The following SENP7 variants were observed in gnomAD, a reference collection of about 807,000 sequenced individuals.
The protein encoded by SENP7 is SUMO specific peptidase 7, also known as sentrin-specific protease 7.
A neutral mutation model predicts 141.2 loss-of-function variants in SENP7; 64 were observed. That is an observed-to-expected ratio of 0.45 (90% CI 0.37 to 0.56). The LOEUF is 0.56. Ranked by LOEUF, SENP7 falls within the 20% of genes least tolerant of loss-of-function variation. The pLI is 0.00. For missense variants in SENP7, 1,025 were observed against 1,212.2 expected, an observed-to-expected ratio of 0.85 and a Z score of 2.29; for synonymous variants, 382 against 426.4, an observed-to-expected ratio of 0.90 and a Z score of 1.28.
intron 2 of SENP7, among the ~76,000 whole-genome samples, chr3:101,497,969 A>AT (rs1184160873): frequency 3.3e-5 from 5 of 151,958 alleles, no homozygotes; most frequent in Non-Finnish European, 7.4e-5. Flanking sequence ...TGCCCAGCTA[A>AT]TTTTTTTTGT....
chr3:101,365,616 CAG>C (rs955816774), intron 9 of SENP7, among the ~76,000 whole-genome samples: 1 of 113,906 alleles, frequency 8.8e-6, no homozygotes, highest in African/African-American at 3.5e-5. Context: ...GCCTGGCCGA[CAG>C]AGAGAGACTC....
At chr3:101,412,842 T>C (rs1470542974) in intron 5 of SENP7, among the ~76,000 whole-genome samples, 3 of 152,128 alleles carry the variant, frequency 2.0e-5, no homozygotes, top group Non-Finnish European at 4.4e-5. Flanking sequence ...AAACTAACAC[T>C]AAAATGCAGT....
intron 3 of SENP7, among the ~76,000 whole-genome samples, chr3:101,478,947 A>G (rs2064334741): frequency 6.6e-6 from 1 of 152,202 alleles, no homozygotes; most frequent in African/African-American, 2.4e-5. Flanking sequence ...ATGAAAAACA[A>G]AAACCATGCA....
intron 3 of SENP7, among the ~76,000 whole-genome samples, chr3:101,479,051 T>A (rs894343706): frequency 6.6e-6 from 1 of 152,092 alleles, no homozygotes; most frequent in Non-Finnish European, 1.5e-5. Flanking sequence ...AGAACATACC[T>A]CAGCAGGATA....
At chr3:101,409,809 C>G (rs961253055) in intron 5 of SENP7, among the ~76,000 whole-genome samples, 22 of 152,274 alleles carry the variant, frequency 1.4e-4, no homozygotes, top group East Asian at 1.4e-3. Context: ...GGACTTAAAT[C>G]TAAGACCTGA....
chr3:101,432,034 C>T (rs747813831), intron 4 of SENP7, among the ~76,000 whole-genome samples: 1 of 152,060 alleles, frequency 6.6e-6, no homozygotes, highest in African/African-American at 2.4e-5. Context: ...ACTTTTGGAC[C>T]TGACCTGGAG....
chr3:101,469,049 A>G (rs560821101), intron 3 of SENP7, among the ~76,000 whole-genome samples: 24 of 152,312 alleles, frequency 1.6e-4, no homozygotes, highest in African/African-American at 5.3e-4. Flanking sequence ...AGCAAAAAAA[A>G]AGCAGGGGTT....
rs548989966 is a variant in SENP7 at position 101,468,928 on chromosome 3, AC to A, written c.187-9877del. On this transcript the variant is annotated intron_variant, in intron 3 of 23. Coordinates refer to ENST00000394095, the MANE Select transcript of SENP7 (RefSeq NM_020654.5). ...ACAGACTGGCAAATTGGATAGAGTC[AC>A]TGATGGGAAGACCCATTAGTGTGCT... Among the ~76,000 whole-genome samples the A allele has an allele frequency of 3.8e-3, 576 of 152,166 alleles. 5 individuals are homozygous for A. The highest frequency in any genetic ancestry group is 4.2e-3 in the Non-Finnish European group (287 of 67,946).
At chr3:101,506,499 C>T (rs541873329) in intron 1 of SENP7, among the ~76,000 whole-genome samples, 1 of 152,258 alleles carries the variant, frequency 6.6e-6, no homozygotes, top group South Asian at 2.1e-4. Flanking sequence ...AGTGATCCAT[C>T]ACCGGTCATA....
At chr3:101,502,063 G>A (rs1210929645) in intron 1 of SENP7, among the ~76,000 whole-genome samples, 1 of 152,172 alleles carries the variant, frequency 6.6e-6, no homozygotes, top group Non-Finnish European at 1.5e-5. Flanking sequence ...CGACCTTTGG[G>A]TAGGCAAAGA....
At chr3:101,331,851 A>AT (rs1244230486) in intron 19 of SENP7, 134 bp downstream of exon 19, 11 of 878,744 alleles carry the variant, frequency 1.3e-5, no homozygotes, top group African/African-American at 1.7e-5. Flanking sequence ...AAAATTTCAG[A>AT]TTTTTTATTC....
At chr3:101,351,708 C>A in intron 11 of SENP7, 57 bp from the exon 12 acceptor site, 3 of 1,237,506 alleles carry the variant, frequency 2.4e-6, no homozygotes, top group South Asian at 6.0e-5. Flanking sequence ...TGTTACTATT[C>A]AAATTTTTTT....
At chr3:101,426,438 G>A (rs1367203787) in intron 4 of SENP7, among the ~76,000 whole-genome samples, 2 of 151,870 alleles carry the variant, frequency 1.3e-5, no homozygotes, top group Non-Finnish European at 2.9e-5. Flanking sequence ...AACCCAAAAT[G>A]TGATATGCAG....
At position 101,356,479 on chromosome 3, in the gene SENP7, C is replaced by T. The variant is rs2059745575; in HGVS notation, c.1624-4828G>A. 2.0e-5 allele frequency among the ~76,000 whole-genome samples: 3 copies of T among 151,962 alleles called. No individual in the cohort carries two copies. In the South Asian group the frequency reaches 6.2e-4, roughly 32 times the overall value. ...AACAAGTACATTTTCAATGTAATTA[C>T]AATACTTCAAAAAATCTACTCCCTT... On this transcript the variant is annotated intron_variant, in intron 11 of 23. Coordinates refer to ENST00000394095, the MANE Select transcript of SENP7 (RefSeq NM_020654.5).
chr3:101,357,897 A>G (rs1475761686), intron 11 of SENP7: 7 of 577,210 alleles, frequency 1.2e-5, no homozygotes, highest in African/African-American at 9.4e-5. Flanking sequence ...CTTACTACAC[A>G]TAAGATAATT....
chr3:101,362,755 C>T (rs2059934170), intron 10 of SENP7, among the ~76,000 whole-genome samples: 1 of 152,122 alleles, frequency 6.6e-6, no homozygotes, highest in Non-Finnish European at 1.5e-5. Context: ...TTATTGTATA[C>T]TCTATGTTTG....
intron 4 of SENP7, among the ~76,000 whole-genome samples, chr3:101,440,681 T>G (rs2062633849): frequency 6.7e-6 from 1 of 150,160 alleles, no homozygotes; most frequent in South Asian, 2.1e-4. Flanking sequence ...AATGACAGTA[T>G]TAGCCTAATA....
rs188609163 is a variant in SENP7 at position 101,415,951 on chromosome 3, T to A, written c.482+1642A>T. ...AATTTTCTACCGCCCCCCAAAAAAA[T>A]ATATATATGTATATATGTTAAATGA... is the stretch of plus-strand genomic sequence containing the variant. On this transcript the variant is annotated intron_variant, in intron 5 of 23. Transcript: ENST00000394095. 7.7e-3 allele frequency among the ~76,000 whole-genome samples: 1,157 copies of A among 149,456 alleles called. 4 individuals carry two copies. Among genetic ancestry groups the A allele is most frequent in the Middle Eastern group, 0.041 (12 of 290 alleles).
At chr3:101,358,443 G>C (rs758667814) in intron 11 of SENP7, 1 of 386,070 alleles carries the variant, frequency 2.6e-6, no homozygotes, top group Non-Finnish European at 5.2e-6. Flanking sequence ...ATGAATGTGG[G>C]AAAACCTTTA....
Sources: gnomAD v4.1 joint callset for allele counts (sites outside exome capture counted in the v4.1 genomes callset) on GRCh38, gnomAD v4.1.1 for gene constraint, MANE v1.5 for transcripts, NCBI Gene and HGNC (gene_info 2026-07-23, HGNC 2026-07-21) for gene names.